The following THSD7B variants were observed in gnomAD, a reference collection of about 807,000 sequenced individuals.
THSD7B encodes thrombospondin type 1 domain containing 7B.
In THSD7B, 138 loss-of-function variants were observed where a neutral mutation model predicts 213.6. The observed-to-expected ratio is 0.65, with a 90% CI of 0.56 to 0.74. THSD7B has a LOEUF of 0.74. Among genes scored for constraint, THSD7B ranks in the 30% least tolerant of loss-of-function variants. The pLI is 0.00. For missense variants in THSD7B, 1,931 were observed against 1,991.5 expected (o/e 0.97, Z 0.58); for synonymous variants, 742 against 687.0 (o/e 1.08, Z -1.25).
Position 137,611,001 on chromosome 2 carries a change from A to G in THSD7B, c.3424-5174A>G, listed in dbSNP as rs184445629. On this transcript the variant is annotated intron_variant, in intron 17 of 27. Transcript: ENST00000409968. ...TAAAACTTAAAGTATAATAATAATA[A>G]TAATAAATAAAAAATAAAATAAAAA... Among the ~76,000 whole-genome samples, 598 of 145,488 alleles carry G rather than the reference A, an allele frequency of 4.1e-3. 3 individuals are homozygous for G. The highest frequency in any genetic ancestry group is 7.1e-3 in the Middle Eastern group (2 of 280).
At chr2:136,841,074 T>A (rs1682912311) in intron 1 of THSD7B, among the ~76,000 whole-genome samples, 1 of 152,118 alleles carries the variant, frequency 6.6e-6, no homozygotes, top group South Asian at 2.1e-4. Context: ...TCCTAGGCAA[T>A]TCTTCTAACA....
intron 2 of THSD7B, among the ~76,000 whole-genome samples, chr2:136,901,391 CT>C (rs1435767237): frequency 6.6e-6 from 1 of 152,212 alleles, no homozygotes; most frequent in Non-Finnish European, 1.5e-5. Flanking sequence ...AACTTTTCAC[CT>C]TTTAAAAATA....
chr2:137,657,088 T>G lies in THSD7B; in HGVS notation c.4303T>G (p.Trp1435Gly). 6.2e-7 allele frequency: 1 copy of G among 1,614,002 alleles called. No homozygotes were observed. The highest frequency in any genetic ancestry group is 8.5e-7 in the Non-Finnish European group (1 of 1,179,884). The change falls in exon 24 of 28, where the codon TGG becomes GGG. Residue 1435 changes from tryptophan to glycine, a missense_variant. Trp to Gly is a radical substitution (Grantham distance 184, BLOSUM62 -2). Transcript: ENST00000409968. ...CTGGKCYHYT[W>G]KASLWNNNER... is the part of the protein sequence containing the mutation. ...AGGAGGCAAATGTTATCACTACACATGGAAAGCAAGTCTTTGGAACAATAA... is the reference window on the plus strand; with the variant it reads ...AGGAGGCAAATGTTATCACTACACAGGGAAAGCAAGTCTTTGGAACAATAA...
At chr2:136,841,763 G>C (rs1042443660) in intron 1 of THSD7B, among the ~76,000 whole-genome samples, 1 of 152,072 alleles carries the variant, frequency 6.6e-6, no homozygotes, top group Non-Finnish European at 1.5e-5. Flanking sequence ...ACACCTACAA[G>C]AATACACAGC....
intron 2 of THSD7B, among the ~76,000 whole-genome samples, chr2:136,969,205 G>T (rs1685367888): frequency 6.6e-6 from 1 of 152,132 alleles, no homozygotes; most frequent in Non-Finnish European, 1.5e-5. Context: ...ATCCAGTTTT[G>T]AATGTTTAAT....
intron 8 of THSD7B, among the ~76,000 whole-genome samples, chr2:137,232,380 T>C (rs1681660509): frequency 6.6e-6 from 1 of 152,164 alleles, no homozygotes. Context: ...TATTTCTGGA[T>C]TTCTCAAATT....
At chr2:137,654,935 A>T (rs1045911950) in intron 21 of THSD7B, among the ~76,000 whole-genome samples, 4 of 152,058 alleles carry the variant, frequency 2.6e-5, no homozygotes, top group South Asian at 2.1e-4. Flanking sequence ...CACTGTACAA[A>T]TTTTTTCTAA....
intron 2 of THSD7B, among the ~76,000 whole-genome samples, chr2:136,966,985 G>C (rs1685326281): frequency 6.6e-6 from 1 of 151,932 alleles, no homozygotes; most frequent in African/African-American, 2.4e-5. Flanking sequence ...ACCTAGCCTT[G>C]ACTTTTATTT....
intron 20 of THSD7B, among the ~76,000 whole-genome samples, chr2:137,636,653 A>T (rs1265122508): frequency 6.6e-6 from 1 of 152,218 alleles, no homozygotes; most frequent in African/African-American, 2.4e-5. Context: ...TTTTTTTCTA[A>T]CATGAATTGT....
Position 137,657,124 on chromosome 2 carries a change from G to A in THSD7B, c.4339G>A (p.Val1447Ile). The change falls in exon 24 of 28, where the codon GTA becomes ATA. Residue 1447 changes from valine (V) to isoleucine (I), a missense_variant. Val to Ile is a conservative substitution (Grantham distance 29, BLOSUM62 3). Transcript: ENST00000409968. Reference protein sequence around the residue: ...ASLWNNNERTVWCQRSDGVNV... With the variant: ...ASLWNNNERTIWCQRSDGVNV... ...TCTTTGGAACAATAACGAACGAACT[G>A]TATGGTGCCAGCGTTCAGATGGCGT... is the stretch of plus-strand genomic sequence containing the variant. 6.2e-7 allele frequency: 1 copy of A among 1,614,024 alleles called. No homozygotes were observed. Among genetic ancestry groups the A allele is most frequent in the South Asian group, 1.1e-5 (1 of 91,086 alleles).
At chr2:137,476,058 T>C (rs894557231) in intron 15 of THSD7B, among the ~76,000 whole-genome samples, 2 of 152,184 alleles carry the variant, frequency 1.3e-5, no homozygotes, top group African/African-American at 4.8e-5. Context: ...CAATGATTCT[T>C]AATGTTGAGT....
intron 10 of THSD7B, among the ~76,000 whole-genome samples, chr2:137,243,688 T>C (rs1036309228): frequency 6.6e-6 from 1 of 152,192 alleles, no homozygotes; most frequent in African/African-American, 2.4e-5. Context: ...AAGCCAATAT[T>C]GACATAGATC....
At chr2:136,883,427 G>T (rs966088072) in intron 2 of THSD7B, among the ~76,000 whole-genome samples, 10 of 151,400 alleles carry the variant, frequency 6.6e-5, no homozygotes, top group Non-Finnish European at 1.2e-4. Context: ...TTAACTGTGG[G>T]CTCCAATACT....
At chr2:137,422,954 T>G (rs1221383491) in intron 14 of THSD7B, among the ~76,000 whole-genome samples, 2 of 152,174 alleles carry the variant, frequency 1.3e-5, no homozygotes, top group Admixed American at 6.5e-5. Flanking sequence ...GAAGGCATTG[T>G]ATGTTTTGAC....
intron 4 of THSD7B, among the ~76,000 whole-genome samples, chr2:137,107,396 G>A (rs1218254074): frequency 6.6e-6 from 1 of 152,160 alleles, no homozygotes; most frequent in Non-Finnish European, 1.5e-5. Flanking sequence ...TGGGGTGGAG[G>A]GCTAAGGGAG....
chr2:137,671,536 G>GAAAC (rs1371866068), intron 27 of THSD7B, among the ~76,000 whole-genome samples: 73 of 152,260 alleles, frequency 4.8e-4, no homozygotes, highest in African/African-American at 1.6e-3. Flanking sequence ...AGGCAAAGGA[G>GAAAC]AAACAGGCAC....
In THSD7B at chr2:137,460,548, G is replaced by C; in HGVS notation, c.3138+9525G>C. 1.3e-5 allele frequency among the ~76,000 whole-genome samples: 2 copies of C among 152,110 alleles called. 1 individual carries two copies. Among genetic ancestry groups the C allele is most frequent in the Non-Finnish European group, 2.9e-5 (2 of 68,010 alleles). ...TGTAATGATTCAGCTCAGATGAATA[G>C]TAAAAGCTGTTGTCACTGCTTCCTG... On this transcript the variant is annotated intron_variant, in intron 15 of 27. Transcript: ENST00000409968.
At chr2:137,044,235 A>G (rs1336165363) in intron 2 of THSD7B, among the ~76,000 whole-genome samples, 1 of 152,152 alleles carries the variant, frequency 6.6e-6, no homozygotes, top group Non-Finnish European at 1.5e-5. Flanking sequence ...CTCTAAAAAT[A>G]TTACATTCAC....
chr2:137,139,954 G>A (rs952883012), intron 5 of THSD7B, among the ~76,000 whole-genome samples: 7 of 151,790 alleles, frequency 4.6e-5, no homozygotes, highest in Admixed American at 2.0e-4. Context: ...TTAATTATTC[G>A]AATTGGTTTT....
Sources: allele counts gnomAD v4.1 joint callset (sites outside exome capture counted in the v4.1 genomes callset), GRCh38; gene constraint gnomAD v4.1.1; transcripts MANE v1.5; gene names NCBI Gene and HGNC (gene_info 2026-07-23, HGNC 2026-07-21).